The following ATRN variants were observed in gnomAD, a reference collection of about 807,000 sequenced individuals.
ATRN encodes the protein attractin.
ATRN carries 54 observed loss-of-function variants against 178.7 expected under a neutral mutation model. The observed-to-expected ratio is 0.30, with a 90% CI of 0.24 to 0.38. The LOEUF (loss-of-function observed/expected upper bound fraction) is 0.38, where lower values mean the gene tolerates loss of function less well. Ranked by LOEUF, ATRN falls within the 10% of genes least tolerant of loss-of-function variation. The pLI is 1.00. For synonymous variants in ATRN, 636 were observed against 663.0 expected (o/e 0.96, Z 0.63); for missense variants, 1,443 against 1,815.1 (o/e 0.79, Z 3.73).
At position 3,645,650 on chromosome 20, in the gene ATRN, GGCC is replaced by G. The variant is rs1418486828; in HGVS notation, c.4166-1071_4166-1069del. On this transcript the variant is annotated intron_variant, in intron 28 of 28. Transcript: ENST00000262919. This position sits in a 1 kb window ranked among gnomAD's most constrained non-coding sequence, Gnocchi z 4.7. ...ATGCTTGAGACCCACCCAACAGTGG[GGCC>G]GTCCTTGCTGCCCCTTCTGTACCCC... Among the ~76,000 whole-genome samples the G allele has an allele frequency of 6.6e-6, 1 of 151,870 alleles. No individual in the cohort carries two copies. Among genetic ancestry groups the G allele is most frequent in the African/African-American group, 2.4e-5 (1 of 41,400 alleles).
At chr20:3,536,845 T>C (rs1417988475) in intron 2 of ATRN, among the ~76,000 whole-genome samples, 1 of 152,228 alleles carries the variant, frequency 6.6e-6, no homozygotes, top group African/African-American at 2.4e-5. Flanking sequence ...AATAGTACAG[T>C]ATTTTAAAAT....
intron 5 of ATRN, among the ~76,000 whole-genome samples, chr20:3,548,938 C>T (rs2146203836): frequency 6.6e-6 from 1 of 152,036 alleles, no homozygotes; most frequent in East Asian, 1.9e-4. Flanking sequence ...TATTTCATTA[C>T]CAAAAAAACC....
intron 15 of ATRN, among the ~76,000 whole-genome samples, chr20:3,580,185 C>T (rs1054915964): frequency 3.9e-5 from 6 of 152,140 alleles, no homozygotes; most frequent in Admixed American, 3.3e-4. Flanking sequence ...TGACCTTTCC[C>T]ATAGTTATTC....
chr20:3,597,817 A>G, intron 21 of ATRN, 89 bp from the exon 22 acceptor site: 2 of 790,520 alleles, frequency 2.5e-6, no homozygotes, highest in African/African-American at 3.4e-5. Flanking sequence ...TCGTTACTTA[A>G]TTTATAAGAA....
Position 3,633,804 on chromosome 20 carries a change from T to C in ATRN, c.3864-507T>C, listed in dbSNP as rs192888168. ...CTTGGGTTTGATCATTTCAAATGTG[T>C]TTTATTTTACTTAAAAATATGTATT... On this transcript the variant is annotated intron_variant, in intron 25 of 28. Coordinates refer to ENST00000262919, the MANE Select transcript of ATRN (RefSeq NM_139321.3). Among the ~76,000 whole-genome samples the C allele has an allele frequency of 2.0e-4, 31 of 152,326 alleles. No homozygotes were observed. The East Asian group carries it at 5.8e-3, about 28-fold the overall frequency.
rs147463266 is a variant in ATRN, at chr20:3,524,163, A to G, written c.411-11090A>G. The stretch of plus-strand genomic sequence containing the variant: ...TCGGTGTGCTGTATTTAGGAGACCC[A>G]ACTCATGTGCAAAGACACACATAGG... On this transcript the variant is annotated intron_variant, in intron 1 of 28. Coordinates refer to ENST00000262919, the MANE Select transcript of ATRN (RefSeq NM_139321.3). Among the ~76,000 whole-genome samples the G allele has an allele frequency of 6.0e-3, 907 of 152,044 alleles. 13 individuals are homozygous for G. Among genetic ancestry groups the G allele is most frequent in the African/African-American group, 0.02 (843 of 41,396 alleles).
intron 6 of ATRN, among the ~76,000 whole-genome samples, chr20:3,552,943 C>G (rs565039076): frequency 1.6e-4 from 25 of 152,234 alleles, no homozygotes; most frequent in African/African-American, 5.8e-4. Context: ...ATGGATGTCA[C>G]AGAAATGATA....
chr20:3,644,017 C>T, intron 27 of ATRN, 137 bp from the exon 28 acceptor site: 1 of 637,554 alleles, frequency 1.6e-6, no homozygotes, highest in Non-Finnish European at 2.8e-6. Flanking sequence ...TGCCCTTTTT[C>T]ATTATCTTAA....
Position 3,550,368 on chromosome 20 carries a change from T to A in ATRN, c.1112+1030T>A, listed in dbSNP as rs147994883. Among the ~76,000 whole-genome samples, 12 of 152,338 alleles carry A rather than the reference T, an allele frequency of 7.9e-5. No individual in the cohort carries two copies. In the East Asian group the frequency reaches 2.1e-3, roughly 27 times the overall value. ...TTGTACTAGTGCCATGCTGTTACTG[T>A]TACTGTTACTGTAGCCCAGGAGTAT... On this transcript the variant is annotated intron_variant, in intron 6 of 28. Transcript: ENST00000262919.
chr20:3,629,461 T>C (rs1453872535), intron 25 of ATRN, among the ~76,000 whole-genome samples: 2 of 152,186 alleles, frequency 1.3e-5, no homozygotes, highest in Admixed American at 6.5e-5. Flanking sequence ...CCCTTCATTC[T>C]GTATACTTTC....
chr20:3,646,313 A>G (rs1275576026), intron 28 of ATRN, among the ~76,000 whole-genome samples: 1 of 152,184 alleles, frequency 6.6e-6, no homozygotes, highest in Non-Finnish European at 1.5e-5. Context: ...TTTTGGAGGA[A>G]GGCAGGAGAA....
In ATRN at chr20:3,578,991, A is replaced by G. The variant is rs1425567217; in HGVS notation, c.2544+219A>G. ...GTATATATAAGATCTATGAATAATT[A>G]TATGGGGGATGAATTGTAACATGTA... On this transcript the variant is annotated intron_variant, in intron 15 of 28. Coordinates refer to ENST00000262919, the MANE Select transcript of ATRN (RefSeq NM_139321.3). 1.3e-5 allele frequency among the ~76,000 whole-genome samples: 2 copies of G among 152,154 alleles called. 1 individual carries two copies. Among genetic ancestry groups the G allele is most frequent in the Admixed American group, 1.3e-4 (2 of 15,272 alleles).
chr20:3,600,372 G>GA (rs1348563520), intron 22 of ATRN, among the ~76,000 whole-genome samples: 2 of 151,946 alleles, frequency 1.3e-5, no homozygotes, highest in African/African-American at 2.4e-5. Context: ...TTTAGTAAGA[G>GA]AAAAATATTT....
chr20:3,531,828 C>T (rs1301198096), intron 1 of ATRN, among the ~76,000 whole-genome samples: 1 of 152,006 alleles, frequency 6.6e-6, no homozygotes, highest in Non-Finnish European at 1.5e-5. Context: ...CAACAAGATT[C>T]GTCTGTGATC....
chr20:3,592,997 G>C (rs544260101), intron 19 of ATRN, among the ~76,000 whole-genome samples: 1 of 152,328 alleles, frequency 6.6e-6, no homozygotes, highest in Non-Finnish European at 1.5e-5. Flanking sequence ...TAACAGAGTG[G>C]TGGAGTGTAC....
intron 22 of ATRN, among the ~76,000 whole-genome samples, chr20:3,599,769 C>CT (rs1489611591): frequency 1.3e-5 from 2 of 152,140 alleles, no homozygotes; most frequent in Non-Finnish European, 2.9e-5. Flanking sequence ...CAAAGGATGA[C>CT]TGTAATTGTT....
In ATRN at chr20:3,527,673, A is replaced by C. The variant is rs533615291; in HGVS notation, c.411-7580A>C. Reference sequence around the variant, plus strand: ...ATAGCAAAGACTTGGAACCAACCCAAATGCCCATCGATGATAGACTGGATA... The same window carrying C: ...ATAGCAAAGACTTGGAACCAACCCACATGCCCATCGATGATAGACTGGATA... On this transcript the variant is annotated intron_variant, in intron 1 of 28. Transcript: ENST00000262919. Among the ~76,000 whole-genome samples, 9 of 152,328 alleles carry C rather than the reference A, an allele frequency of 5.9e-5. No homozygotes were observed. In the East Asian group the frequency reaches 1.7e-3, roughly 29 times the overall value.
At chr20:3,491,955 CT>C (rs1197690316) in intron 1 of ATRN, among the ~76,000 whole-genome samples, 2 of 152,074 alleles carry the variant, frequency 1.3e-5, no homozygotes, top group African/African-American at 4.8e-5. Context: ...CCTTAAACTT[CT>C]TTTCTTTATC....
intron 27 of ATRN, among the ~76,000 whole-genome samples, chr20:3,642,920 C>T (rs1490762435): frequency 6.6e-6 from 1 of 152,192 alleles, no homozygotes; most frequent in African/African-American, 2.4e-5. Context: ...ATGAGAAGGA[C>T]TTGACACACC....
Sources: gnomAD v4.1 joint callset for allele counts (sites outside exome capture counted in the v4.1 genomes callset) on GRCh38, gnomAD v4.1.1 for gene constraint, Gnocchi (gnomAD v3.1) non-coding constraint, MANE v1.5 for transcripts, NCBI Gene and HGNC (gene_info 2026-07-23, HGNC 2026-07-21) for gene names.